Variants in CCSER1 observed in about 807,000 individuals in gnomAD.
The protein encoded by CCSER1 is coiled-coil serine rich protein 1, also known as serine-rich coiled-coil domain-containing protein 1.
CCSER1 carries 41 observed loss-of-function variants against 82.0 expected under a neutral mutation model. That is an observed-to-expected ratio of 0.50 (90% CI 0.39 to 0.65). CCSER1 has a LOEUF of 0.65. Among genes scored for constraint, CCSER1 ranks in the 30% least tolerant of loss-of-function variants. The pLI, the probability that CCSER1 is intolerant of heterozygous loss-of-function variation, is 0.00. For missense variants in CCSER1, 1,119 were observed against 1,064.2 expected (o/e 1.05, Z -0.72); for synonymous variants, 414 against 383.9 (o/e 1.08, Z -0.92).
chr4:90,742,259 T>G (rs1158289557), intron 7 of CCSER1, among the ~76,000 whole-genome samples: 2 of 152,114 alleles, frequency 1.3e-5, no homozygotes, highest in Admixed American at 1.3e-4. Flanking sequence ...AACATGAGAT[T>G]TGGGTGGGGA....
chr4:91,108,865 G>A (rs1205263956), intron 10 of CCSER1, among the ~76,000 whole-genome samples: 1 of 152,196 alleles, frequency 6.6e-6, no homozygotes, highest in Non-Finnish European at 1.5e-5. Flanking sequence ...ATGTCTGCGA[G>A]GGTGTTTCTA....
intron 10 of CCSER1, among the ~76,000 whole-genome samples, chr4:91,427,936 C>G (rs1362951145): frequency 4.6e-5 from 7 of 151,846 alleles, no homozygotes; most frequent in Admixed American, 4.6e-4. Flanking sequence ...AGGGATATAG[C>G]TTTTATTTAG....
At chr4:91,490,912 ATATATATATATATAT>A (rs1758494045) in intron 10 of CCSER1, among the ~76,000 whole-genome samples, 1 of 83,348 alleles carries the variant, frequency 1.2e-5, no homozygotes, top group African/African-American at 5.3e-5. Context: ...ATATATATAT[ATATATATATATATAT>A]AAAATATGCG....
chr4:90,929,237 A>C (rs1304196533), intron 9 of CCSER1, among the ~76,000 whole-genome samples: 1 of 152,190 alleles, frequency 6.6e-6, no homozygotes, highest in African/African-American at 2.4e-5. Context: ...GGTGAAAAAA[A>C]ATTAACTAAA....
chr4:90,897,281 C>T (rs1008730420), intron 8 of CCSER1, among the ~76,000 whole-genome samples: 2 of 151,864 alleles, frequency 1.3e-5, no homozygotes, highest in African/African-American at 4.8e-5. Flanking sequence ...CCTCAACTCC[C>T]TCTCATAACC....
chr4:90,694,797 G>GGGGT (rs1553987833), intron 6 of CCSER1, among the ~76,000 whole-genome samples: 19 of 145,452 alleles, frequency 1.3e-4, no homozygotes, highest in East Asian at 4.0e-4. Flanking sequence ...GTGTGTGTGG[G>GGGGT]GTGTGTGTGT....
intron 5 of CCSER1, among the ~76,000 whole-genome samples, chr4:90,559,726 C>T (rs926503708): frequency 2.1e-5 from 3 of 143,478 alleles, no homozygotes; most frequent in South Asian, 2.3e-4. Flanking sequence ...AGGAGAATGG[C>T]GTGAACCTGG....
chr4:91,034,541 AC>A (rs748292547), intron 9 of CCSER1, among the ~76,000 whole-genome samples: 7 of 76,356 alleles, frequency 9.2e-5, no homozygotes, highest in Non-Finnish European at 2.0e-4. Context: ...AAAATTTCAT[AC>A]ACCCCCCCCA....
At position 91,462,563 on chromosome 4, in the gene CCSER1, C is replaced by T. The variant is rs542158993; in HGVS notation, c.2218-136009C>T. On this transcript the variant is annotated intron_variant, in intron 10 of 10. Transcript: ENST00000509176. ...TGTGAGCCAAAGCAGGGCACGGCATCGCCTCACCCGGGAAGTGCAAGGGGT... is the reference window on the plus strand; with the variant it reads ...TGTGAGCCAAAGCAGGGCACGGCATTGCCTCACCCGGGAAGTGCAAGGGGT... Among the ~76,000 whole-genome samples, 19 of 152,176 alleles carry T rather than the reference C, an allele frequency of 1.2e-4. No homozygotes were observed. The East Asian group carries it at 2.1e-3, about 17-fold the overall frequency.
At chr4:90,829,670 A>G (rs1460759073) in intron 8 of CCSER1, among the ~76,000 whole-genome samples, 1 of 152,166 alleles carries the variant, frequency 6.6e-6, no homozygotes, top group African/African-American at 2.4e-5. Flanking sequence ...TCTTTAGAAC[A>G]TGAAAGAAAG....
At chr4:90,470,408 A>G (rs1298927034) in intron 5 of CCSER1, among the ~76,000 whole-genome samples, 1 of 152,224 alleles carries the variant, frequency 6.6e-6, no homozygotes, top group Non-Finnish European at 1.5e-5. Context: ...AGAACAGAGT[A>G]TAAATGCAAG....
chr4:91,438,200 G>T (rs1161783147), intron 10 of CCSER1, among the ~76,000 whole-genome samples: 1 of 152,202 alleles, frequency 6.6e-6, no homozygotes, highest in African/African-American at 2.4e-5. Context: ...CCTGACCCCT[G>T]ACCCCTGAGC....
intron 1 of CCSER1, among the ~76,000 whole-genome samples, chr4:90,187,540 C>A (rs1195041419): frequency 6.6e-6 from 1 of 151,712 alleles, no homozygotes; most frequent in African/African-American, 2.4e-5. Context: ...GTGGAAGCTA[C>A]AATTAAAATT....
Position 90,761,988 on chromosome 4 carries a change from G to A in CCSER1, c.2010+37997G>A, listed in dbSNP as rs150232852. On this transcript the variant is annotated intron_variant, in intron 7 of 10. Coordinates refer to ENST00000509176, the MANE Select transcript of CCSER1 (RefSeq NM_001145065.2). ...TCATCTGATTATTTTAAAAGGTTAA[G>A]GAAATATAAAAACATATAAAGAAAG... Among the ~76,000 whole-genome samples, 70 of 152,122 alleles carry A rather than the reference G, an allele frequency of 4.6e-4. No homozygotes were observed. The East Asian group carries it at 0.011, about 24-fold the overall frequency.
At chr4:90,764,835 A>G (rs1272744558) in intron 7 of CCSER1, among the ~76,000 whole-genome samples, 4 of 152,152 alleles carry the variant, frequency 2.6e-5, no homozygotes, top group Non-Finnish European at 5.9e-5. Context: ...AGATATTGGT[A>G]GCAGTTCATG....
intron 1 of CCSER1, among the ~76,000 whole-genome samples, chr4:90,198,675 G>A (rs1015164326): frequency 6.6e-6 from 1 of 152,038 alleles, no homozygotes; most frequent in Admixed American, 6.6e-5. Context: ...GATGCTTCCT[G>A]ACCTTTAAAT....
At chr4:91,237,984 G>A (rs1454321351) in intron 10 of CCSER1, among the ~76,000 whole-genome samples, 1 of 152,110 alleles carries the variant, frequency 6.6e-6, no homozygotes, top group African/African-American at 2.4e-5. Flanking sequence ...TATGTGTCAG[G>A]AAGCCTCTGG....
At chr4:90,164,527 G>T (rs1387651277) in intron 1 of CCSER1, among the ~76,000 whole-genome samples, 1 of 152,048 alleles carries the variant, frequency 6.6e-6, no homozygotes, top group African/African-American at 2.4e-5. Flanking sequence ...AGCACAGATA[G>T]TAGATTGAGT....
chr4:91,198,335 T>C (rs938648258), intron 10 of CCSER1, among the ~76,000 whole-genome samples: 1 of 133,020 alleles, frequency 7.5e-6, no homozygotes, highest in Non-Finnish European at 1.6e-5. Context: ...CTCAGTGAGT[T>C]TGAAATAAAA....
Sources: allele counts gnomAD v4.1 joint callset (sites outside exome capture counted in the v4.1 genomes callset), GRCh38; gene constraint gnomAD v4.1.1; transcripts MANE v1.5; gene names NCBI Gene and HGNC (gene_info 2026-07-23, HGNC 2026-07-21).